TTC28: variants seen among roughly 807,000 people sequenced by gnomAD.
The protein encoded by TTC28 is tetratricopeptide repeat domain 28, also known as tetratricopeptide repeat protein 28.
A neutral mutation model predicts 198.0 loss-of-function variants in TTC28; 61 were observed. That is an observed-to-expected ratio of 0.31 (90% CI 0.25 to 0.38). TTC28 has a LOEUF of 0.38. TTC28 is among the 10% of genes least tolerant of loss of function. The pLI is 1.00. For missense variants in TTC28, 2,678 were observed against 3,164.0 expected (o/e 0.85, Z 3.69); for synonymous variants, 1,171 against 1,297.8 (o/e 0.90, Z 2.10).
rs1325645006 is a variant in TTC28 at position 28,098,899 on chromosome 22, C to A, written c.3547+16G>T. 4 of 1,551,250 alleles carry A rather than the reference C, an allele frequency of 2.6e-6. No individual in the cohort carries two copies. The highest frequency in any genetic ancestry group is 3.5e-6 in the Non-Finnish European group (4 of 1,146,760). On this transcript the variant is annotated intron_variant, in intron 10 of 22. Transcript: ENST00000397906. ...TAGTGCACACGTAAGCAAGGAGTAA[C>A]CCCAGCTGTTCTCACCTAGGCTGAC...
At chr22:28,382,269 T>C (rs996786616) in intron 2 of TTC28, among the ~76,000 whole-genome samples, 4 of 152,166 alleles carry the variant, frequency 2.6e-5, no homozygotes, top group African/African-American at 9.7e-5. Flanking sequence ...AATATAAGTA[T>C]ACTAATCTAC....
chr22:27,998,446 C>A (rs1275893994), intron 16 of TTC28, 94 bp downstream of exon 16: 2 of 1,458,818 alleles, frequency 1.4e-6, no homozygotes, highest in African/African-American at 2.8e-5. Flanking sequence ...GCCCTGCCCT[C>A]CCCTCCCCAA....
At chr22:28,197,878 T>TA (rs1206372036) in intron 5 of TTC28, among the ~76,000 whole-genome samples, 1 of 151,988 alleles carries the variant, frequency 6.6e-6, no homozygotes, top group Non-Finnish European at 1.5e-5. Context: ...ACAGAATATT[T>TA]AAAAAACCCA....
chr22:28,678,917 A>C (rs1284209620), intron 1 of TTC28, among the ~76,000 whole-genome samples: 1 of 152,164 alleles, frequency 6.6e-6, no homozygotes, highest in Non-Finnish European at 1.5e-5. Context: ...GTGGTGAGCC[A>C]CAGTCCGTGG....
At chr22:28,524,116 T>C (rs982608871) in intron 2 of TTC28, among the ~76,000 whole-genome samples, 1 of 152,152 alleles carries the variant, frequency 6.6e-6, no homozygotes, top group Non-Finnish European at 1.5e-5. Flanking sequence ...AAAACTATTT[T>C]TAATAGTCTG....
intron 2 of TTC28, among the ~76,000 whole-genome samples, chr22:28,326,526 T>G (rs1314858907): frequency 6.6e-6 from 1 of 152,120 alleles, no homozygotes; most frequent in Non-Finnish European, 1.5e-5. Flanking sequence ...AATATTACAT[T>G]ATATGTATTT....
intron 5 of TTC28, among the ~76,000 whole-genome samples, chr22:28,182,065 C>G (rs138352031): frequency 6.6e-6 from 1 of 151,962 alleles, no homozygotes; most frequent in Non-Finnish European, 1.5e-5. Context: ...GGGTTAAATT[C>G]TCTCACTCAC....
intron 2 of TTC28, among the ~76,000 whole-genome samples, chr22:28,538,943 T>G (rs2049354473): frequency 6.6e-6 from 1 of 152,166 alleles, no homozygotes; most frequent in Non-Finnish European, 1.5e-5. Flanking sequence ...GTGAACTTTT[T>G]TTTGACTACC....
intron 2 of TTC28, among the ~76,000 whole-genome samples, chr22:28,376,369 T>C (rs1457817899): frequency 1.3e-5 from 2 of 152,220 alleles, no homozygotes; most frequent in Non-Finnish European, 2.9e-5. Flanking sequence ...GTGTGTATTA[T>C]CTTATTCAAT....
At chr22:28,470,657 T>G (rs1281351584) in intron 2 of TTC28, among the ~76,000 whole-genome samples, 1 of 152,222 alleles carries the variant, frequency 6.6e-6, no homozygotes, top group African/African-American at 2.4e-5. Flanking sequence ...CAGCATGCGT[T>G]TTTTGACAAA....
intron 12 of TTC28, among the ~76,000 whole-genome samples, chr22:28,042,656 A>T (rs1939695928): frequency 6.6e-6 from 1 of 152,044 alleles, no homozygotes; most frequent in African/African-American, 2.4e-5. Context: ...GGTGCAGCAA[A>T]CCAACAGGGT....
intron 5 of TTC28, among the ~76,000 whole-genome samples, chr22:28,199,822 G>A (rs1416952788): frequency 6.6e-6 from 1 of 151,832 alleles, no homozygotes; most frequent in Non-Finnish European, 1.5e-5. Context: ...GAACAAAAGT[G>A]TTACTCTGGA....
At chr22:28,603,502 C>G (rs556822307) in intron 2 of TTC28, among the ~76,000 whole-genome samples, 3 of 152,246 alleles carry the variant, frequency 2.0e-5, no homozygotes, top group East Asian at 3.9e-4. Flanking sequence ...ATCCTCTTGC[C>G]TCAGCCTCCC....
chr22:28,631,299 G>A (rs536280199), intron 1 of TTC28, among the ~76,000 whole-genome samples: 11 of 152,174 alleles, frequency 7.2e-5, no homozygotes, highest in African/African-American at 2.7e-4. Flanking sequence ...TTTTGGACTG[G>A]CAAATTTGGT....
intron 2 of TTC28, among the ~76,000 whole-genome samples, chr22:28,502,081 C>T (rs1433438291): frequency 6.6e-6 from 1 of 152,124 alleles, no homozygotes; most frequent in East Asian, 1.9e-4. Context: ...ATACATATTG[C>T]TCAAATGAAA....
chr22:28,459,634 T>C (rs1309142682), intron 2 of TTC28, among the ~76,000 whole-genome samples: 1 of 152,216 alleles, frequency 6.6e-6, no homozygotes, highest in East Asian at 1.9e-4. Context: ...TCTTTCTTGT[T>C]ACTACTGTCA....
intron 6 of TTC28, among the ~76,000 whole-genome samples, chr22:28,120,628 A>G (rs2146937861): frequency 6.6e-6 from 1 of 152,328 alleles, no homozygotes; most frequent in South Asian, 2.1e-4. Context: ...CCTTCAGCCC[A>G]GGGAGGATAA....
At chr22:28,209,338 C>T (rs1926696562) in intron 5 of TTC28, among the ~76,000 whole-genome samples, 1 of 152,174 alleles carries the variant, frequency 6.6e-6, no homozygotes, top group Non-Finnish European at 1.5e-5. Context: ...CAGGGCGGGG[C>T]ATCGCCTCAC....
intron 5 of TTC28, among the ~76,000 whole-genome samples, chr22:28,233,767 T>TG (rs1370370029): frequency 1.3e-5 from 2 of 152,158 alleles, no homozygotes; most frequent in African/African-American, 4.8e-5. Flanking sequence ...TTTTTGGAGA[T>TG]GGAGTCTCAT....
Sources: allele counts gnomAD v4.1 joint callset (sites outside exome capture counted in the v4.1 genomes callset), GRCh38; gene constraint gnomAD v4.1.1; transcripts MANE v1.5; gene names NCBI Gene and HGNC (gene_info 2026-07-23, HGNC 2026-07-21).